SERINC5: variants seen among roughly 807,000 people sequenced by gnomAD.
SERINC5 encodes the protein chromosome 5 open reading frame 12.
In SERINC5, 41 loss-of-function variants were observed where a neutral mutation model predicts 63.1. That is an observed-to-expected ratio of 0.65 (90% CI 0.51 to 0.84). The LOEUF is 0.84. Ranked by LOEUF, SERINC5 falls within the 40% of genes least tolerant of loss-of-function variation. The pLI, the probability that SERINC5 is intolerant of heterozygous loss-of-function variation, is 0.00. For synonymous variants in SERINC5, 222 were observed against 215.2 expected, an observed-to-expected ratio of 1.03 and a Z score of -0.28; for missense variants, 523 against 573.0, an observed-to-expected ratio of 0.91 and a Z score of 0.89.
intron 1 of SERINC5, among the ~76,000 whole-genome samples, chr5:80,221,342 C>A (rs547345308): frequency 8.5e-5 from 13 of 152,328 alleles, no homozygotes; most frequent in African/African-American, 2.4e-4. Flanking sequence ...CAGCTGCCCT[C>A]GCTCTTCATT....
rs145441359 is a variant in SERINC5, at chr5:80,144,759, G to A, written c.1239-949C>T. On this transcript the variant is annotated intron_variant, in intron 11 of 11. Coordinates refer to ENST00000507668, the MANE Select transcript of SERINC5 (RefSeq NM_001174072.3). ...ATCTAACACACCATATTTGACTTGC[G>A]TCATAGTCTGTCTCTCCTGCTGGAC... 7.1e-3 allele frequency among the ~76,000 whole-genome samples: 1,080 copies of A among 152,152 alleles called. 13 individuals are homozygous for A. Among genetic ancestry groups the A allele is most frequent in the African/African-American group, 0.025 (1,025 of 41,488 alleles).
intron 11 of SERINC5, among the ~76,000 whole-genome samples, chr5:80,127,219 G>A (rs1744778475): frequency 6.6e-6 from 1 of 152,138 alleles, no homozygotes; most frequent in Admixed American, 6.5e-5. Context: ...CCTTCTTGTG[G>A]GAGGATTACA....
At chr5:80,201,287 C>T (rs185257664) in intron 2 of SERINC5, among the ~76,000 whole-genome samples, 9 of 152,324 alleles carry the variant, frequency 5.9e-5, no homozygotes, top group Admixed American at 1.3e-4. Context: ...AGATGCAGTA[C>T]GGAGTGGTCG....
chr5:80,209,990 C>T (rs1421676898), intron 1 of SERINC5, among the ~76,000 whole-genome samples: 1 of 151,634 alleles, frequency 6.6e-6, no homozygotes. Flanking sequence ...GACCACGGGT[C>T]GAGGCTGCAG....
chr5:80,156,256 G>A (rs1274373527), intron 8 of SERINC5, among the ~76,000 whole-genome samples: 5 of 152,052 alleles, frequency 3.3e-5, no homozygotes, highest in Non-Finnish European at 1.5e-5. Context: ...TGGCCTTTTT[G>A]TAACATCCTC....
intron 11 of SERINC5, among the ~76,000 whole-genome samples, chr5:80,125,422 G>T (rs915813655): frequency 3.3e-5 from 5 of 152,204 alleles, no homozygotes; most frequent in African/African-American, 1.2e-4. Flanking sequence ...AATAGGGAAA[G>T]AGAGAGTGTT....
chr5:80,228,029 C>T, intron 1 of SERINC5, among the ~76,000 whole-genome samples: 2 of 150,002 alleles, frequency 1.3e-5, no homozygotes. Context: ...CGAGACCAGC[C>T]TGGGCAACAT....
At chr5:80,128,735 A>T (rs1200508657) in intron 11 of SERINC5, among the ~76,000 whole-genome samples, 1 of 152,228 alleles carries the variant, frequency 6.6e-6, no homozygotes, top group African/African-American at 2.4e-5. Flanking sequence ...AGCACACATT[A>T]AGTGTTCAAT....
chr5:80,136,653 G>C (rs1028847216), downstream of SERINC5, among the ~76,000 whole-genome samples: 11 of 152,154 alleles, frequency 7.2e-5, no homozygotes, highest in Non-Finnish European at 1.6e-4. Flanking sequence ...AAACCACAAA[G>C]TTAGGAGACA....
chr5:80,175,113 C>G (rs1747947165), intron 4 of SERINC5, 66 bp from the exon 5 acceptor site: 1 of 1,096,466 alleles, frequency 9.1e-7, no homozygotes, highest in South Asian at 1.5e-5. Context: ...AAGAGAATAA[C>G]CACAGCTAAT....
chr5:80,185,189 A>G (rs1053818959), intron 2 of SERINC5, among the ~76,000 whole-genome samples: 3 of 152,030 alleles, frequency 2.0e-5, no homozygotes, highest in Non-Finnish European at 2.9e-5. Context: ...TGTTGTTTCT[A>G]TACAGACCCC....
At chr5:80,198,736 G>T in intron 2 of SERINC5, 1 of 984,274 alleles carries the variant, frequency 1.0e-6, no homozygotes, top group Non-Finnish European at 1.2e-6. Flanking sequence ...TCTTCTGTAG[G>T]CCACGAAACA....
intron 1 of SERINC5, among the ~76,000 whole-genome samples, chr5:80,206,864 G>C (rs931586427): frequency 2.1e-5 from 3 of 144,222 alleles, no homozygotes; most frequent in Admixed American, 7.5e-5. Flanking sequence ...ACACAGACTG[G>C]CCTCAAACTC....
At chr5:80,161,102 A>T (rs1003179278) in intron 7 of SERINC5, among the ~76,000 whole-genome samples, 5 of 151,726 alleles carry the variant, frequency 3.3e-5, no homozygotes, top group Admixed American at 6.6e-5. Flanking sequence ...TCATCTGTTG[A>T]TGGACACTTA....
intron 5 of SERINC5, among the ~76,000 whole-genome samples, chr5:80,174,748 T>C (rs1747914665): frequency 6.6e-6 from 1 of 151,946 alleles, no homozygotes; most frequent in Middle Eastern, 3.4e-3. Context: ...ACACCACTGG[T>C]TGACTCAGAG....
Position 80,174,984 on chromosome 5 carries a change from A to T in SERINC5, c.521T>A (p.Val174Glu), listed in dbSNP as rs775567845. 1 of 1,602,880 alleles carries T rather than the reference A, an allele frequency of 6.2e-7. No homozygotes were observed. Among genetic ancestry groups the T allele is most frequent in the Non-Finnish European group, 8.5e-7 (1 of 1,174,580 alleles). The change falls in exon 5 of 12, where the codon GTG (valine) becomes GAG (glutamate). Residue 174 changes from valine (V) to glutamate (E), a missense_variant. Physicochemically the swap from Val to Glu is moderately radical, Grantham distance 121. Transcript: ENST00000507668. ...CTTGTTCCACTTATGTGCAAACTCC[A>T]CGAGCAGGAGGAGCTGGATGCCAAT... ...LFIGIQLLLL[V>E]EFAHKWNKNW...
At chr5:80,232,240 T>TA (rs1177647741) in intron 1 of SERINC5, among the ~76,000 whole-genome samples, 4 of 142,066 alleles carry the variant, frequency 2.8e-5, no homozygotes, top group Admixed American at 7.1e-5. Flanking sequence ...CTGTCTCTAC[T>TA]AAAAATACAA....
rs911792843 is a variant in SERINC5 at position 80,236,386 on chromosome 5, C to G, written c.27+19510G>C. ...TATCATTAGAACTGGCTCTTAACTT[C>G]TCAGCTACACCGCCTCTGAACTATA... On this transcript the variant is annotated intron_variant, in intron 1 of 11. Coordinates refer to ENST00000507668, the MANE Select transcript of SERINC5 (RefSeq NM_001174072.3). Among the ~76,000 whole-genome samples the G allele has an allele frequency of 1.4e-4, 22 of 152,174 alleles. 1 individual carries two copies. The highest frequency in any genetic ancestry group is 4.3e-4 in the African/African-American group (18 of 41,436).
At position 80,166,560 on chromosome 5, in the gene SERINC5, T is replaced by A. The variant is rs1010685444; in HGVS notation, c.764-82A>T. ...TGCCTAAAAAACCTGATAGTCCCCA[T>A]GACAGTCCTCAAACTTGAGCATCCA... On this transcript the variant is annotated intron_variant, in intron 6 of 11. Transcript: ENST00000507668. 1.3e-5 allele frequency: 11 copies of A among 828,226 alleles called. No homozygotes were observed. In the African/African-American group the frequency reaches 1.6e-4, roughly 12 times the overall value. The allele number at this position is 828,226 out of a possible 1,614,324, so 51.3% of individuals were successfully genotyped here.
Sources: gnomAD v4.1 joint callset for allele counts (sites outside exome capture counted in the v4.1 genomes callset) on GRCh38, gnomAD v4.1.1 for gene constraint, MANE v1.5 for transcripts, NCBI Gene and HGNC (gene_info 2026-07-23, HGNC 2026-07-21) for gene names.